Variants in WWP1 observed in about 807,000 individuals in gnomAD.
WWP1 encodes the protein WW domain containing E3 ubiquitin protein ligase 1, also known as NEDD4-like E3 ubiquitin-protein ligase WWP1.
Under a neutral mutation model 130.6 loss-of-function variants are expected in WWP1, and 49 were observed. That is an observed-to-expected ratio of 0.38 (90% CI 0.30 to 0.48). The LOEUF is 0.48. Ranked by LOEUF, WWP1 falls within the 20% of genes least tolerant of loss-of-function variation. WWP1 has a pLI of 0.99. For synonymous variants in WWP1, 332 were observed against 367.8 expected, an observed-to-expected ratio of 0.90 and a Z score of 1.11; for missense variants, 809 against 1,100.6, an observed-to-expected ratio of 0.74 and a Z score of 3.75.
chr8:86,459,659 A>G (rs916997084), intron 22 of WWP1, among the ~76,000 whole-genome samples: 3 of 152,178 alleles, frequency 2.0e-5, no homozygotes, highest in Admixed American at 6.5e-5. Flanking sequence ...GAATAAATCC[A>G]TTTTCAAGCC....
At chr8:86,388,709 A>G (rs1204044093) in intron 5 of WWP1, among the ~76,000 whole-genome samples, 1 of 152,108 alleles carries the variant, frequency 6.6e-6, no homozygotes, top group East Asian at 1.9e-4. Flanking sequence ...TCACAAAATC[A>G]TTTCTTTTAT....
intron 3 of WWP1, among the ~76,000 whole-genome samples, chr8:86,377,087 G>A (rs1030732304): frequency 6.7e-6 from 1 of 150,296 alleles, no homozygotes; most frequent in Non-Finnish European, 1.5e-5. Context: ...CCTCTGTATT[G>A]ATTTTTTCTT....
chr8:86,434,545 C>T (rs1166977546), intron 14 of WWP1, among the ~76,000 whole-genome samples: 1 of 152,206 alleles, frequency 6.6e-6, no homozygotes, highest in Non-Finnish European at 1.5e-5. Flanking sequence ...AAATGCTTCT[C>T]ATATCACTCC....
At chr8:86,351,809 A>G (rs1311056644) in intron 1 of WWP1, among the ~76,000 whole-genome samples, 1 of 152,192 alleles carries the variant, frequency 6.6e-6, no homozygotes, top group African/African-American at 2.4e-5. Context: ...CGCAATCCTT[A>G]TATAACAGTC....
chr8:86,440,730 A>G (rs905052235), intron 17 of WWP1: 20 of 453,544 alleles, frequency 4.4e-5, no homozygotes, highest in Non-Finnish European at 7.5e-5. Flanking sequence ...AACATCAGTC[A>G]TGGGTATGTG....
intron 1 of WWP1, among the ~76,000 whole-genome samples, chr8:86,346,541 A>AT (rs990988706): frequency 6.6e-6 from 1 of 151,982 alleles, no homozygotes; most frequent in African/African-American, 2.4e-5. Flanking sequence ...TTCCTACTCA[A>AT]TTTTTTTTGG....
chr8:86,425,115 C>A, intron 9 of WWP1, 108 bp from the exon 10 acceptor site: 1 of 729,788 alleles, frequency 1.4e-6, no homozygotes, highest in Non-Finnish European at 2.2e-6. Flanking sequence ...TGTGTATAGT[C>A]TTTTAATGTA....
chr8:86,447,344 G>A (rs1810938633), intron 18 of WWP1, among the ~76,000 whole-genome samples: 1 of 152,132 alleles, frequency 6.6e-6, no homozygotes, highest in Admixed American at 6.5e-5. Flanking sequence ...TTGGCTCACT[G>A]CAGCCTCCAC....
chr8:86,432,966 A>G (rs1180122772), intron 14 of WWP1, among the ~76,000 whole-genome samples: 5 of 152,106 alleles, frequency 3.3e-5, no homozygotes, highest in Non-Finnish European at 7.4e-5. Flanking sequence ...TTGTCTCTGT[A>G]TTGCTGTTCA....
At chr8:86,431,233 C>A (rs1809957620) in intron 12 of WWP1, among the ~76,000 whole-genome samples, 173 bp from the exon 13 acceptor site, 2 of 137,314 alleles carry the variant, frequency 1.5e-5, no homozygotes, top group African/African-American at 5.4e-5. Flanking sequence ...ATGTTATATT[C>A]TCTATAATAT....
In WWP1 at chr8:86,342,628, G is replaced by A; in HGVS notation, c.-417G>A. ...GGCCGGCGGGGAGGCGCGCGCTTAGGGCGCGGCGCCGGCGACGCGGCCACG... is the reference window on the plus strand; with the variant it reads ...GGCCGGCGGGGAGGCGCGCGCTTAGAGCGCGGCGCCGGCGACGCGGCCACG... On this transcript the variant is annotated 5_prime_UTR_variant, in exon 1 of 25. Coordinates refer to ENST00000517970, the MANE Select transcript of WWP1 (RefSeq NM_007013.4). 4.5e-6 allele frequency: 1 copy of A among 221,656 alleles called. No homozygotes were observed. The highest frequency in any genetic ancestry group is 5.9e-5 in the Admixed American group (1 of 17,024). The allele number at this position is 221,656 out of a possible 1,614,324, so 13.7% of individuals were successfully genotyped here.
chr8:86,350,448 G>A (rs557011485), intron 1 of WWP1, among the ~76,000 whole-genome samples: 1 of 151,958 alleles, frequency 6.6e-6, no homozygotes, highest in South Asian at 2.1e-4. Context: ...AGCATTTCAT[G>A]TACACTAAAA....
intron 14 of WWP1, among the ~76,000 whole-genome samples, chr8:86,432,892 G>C (rs1462034645): frequency 6.6e-6 from 1 of 152,222 alleles, no homozygotes; most frequent in Admixed American, 6.5e-5. Context: ...ACAGGCGTGA[G>C]CCATCACACC....
chr8:86,419,735 C>T (rs1242846568), intron 9 of WWP1, among the ~76,000 whole-genome samples: 1 of 147,604 alleles, frequency 6.8e-6, no homozygotes, highest in Non-Finnish European at 1.5e-5. Flanking sequence ...AAAAGACTCA[C>T]TAAAAATCCA....
At chr8:86,426,885 A>T (rs1205226650) in intron 10 of WWP1, among the ~76,000 whole-genome samples, 1 of 152,208 alleles carries the variant, frequency 6.6e-6, no homozygotes, top group Non-Finnish European at 1.5e-5. Flanking sequence ...GAGGCCGGGC[A>T]TGGTGGCTCA....
chr8:86,458,062 A>G (rs1811555171), intron 22 of WWP1, 37 bp downstream of exon 22: 1 of 1,525,664 alleles, frequency 6.6e-7, no homozygotes, highest in African/African-American at 1.4e-5. Context: ...AAAGTACTCA[A>G]CATATTTTCT....
intron 7 of WWP1, among the ~76,000 whole-genome samples, chr8:86,399,946 A>G (rs760296153): frequency 2.0e-5 from 3 of 152,210 alleles, no homozygotes; most frequent in Non-Finnish European, 2.9e-5. Flanking sequence ...TTCAACAGAT[A>G]GTTACTTAAT....
At position 86,383,434 on chromosome 8, in the gene WWP1, G is replaced by A. The variant is rs1037043002; in HGVS notation, c.334+1805G>A. On this transcript the variant is annotated intron_variant, in intron 5 of 24. Transcript: ENST00000517970. ...ATACACTTCGAAATGAAGCCCTCAC[G>A]AATTGTATAAGCTAAAAATTACCTT... 5.3e-5 allele frequency among the ~76,000 whole-genome samples: 8 copies of A among 152,278 alleles called. No individual in the cohort carries two copies. The East Asian group carries it at 1.2e-3, about 22-fold the overall frequency.
chr8:86,416,845 G>T (rs1450690233), intron 9 of WWP1, among the ~76,000 whole-genome samples: 2 of 152,096 alleles, frequency 1.3e-5, no homozygotes, highest in African/African-American at 4.8e-5. Flanking sequence ...CACTTTTATA[G>T]GTACAGCTCT....
Sources: allele counts gnomAD v4.1 joint callset (sites outside exome capture counted in the v4.1 genomes callset), GRCh38; gene constraint gnomAD v4.1.1; transcripts MANE v1.5; gene names NCBI Gene and HGNC (gene_info 2026-07-23, HGNC 2026-07-21).